CARS1: variants seen among roughly 807,000 people sequenced by gnomAD.
The protein encoded by CARS1 is cysteinyl-tRNA synthetase 1, also known as cysteine--tRNA ligase, cytoplasmic.
CARS1 carries 48 observed loss-of-function variants against 106.2 expected under a neutral mutation model. The observed-to-expected ratio is 0.45, with a 90% CI of 0.36 to 0.57. The LOEUF is 0.57. Ranked by LOEUF, CARS1 falls within the 20% of genes least tolerant of loss-of-function variation. CARS1 has a pLI of 0.00. For synonymous variants in CARS1, 409 were observed against 403.4 expected, an observed-to-expected ratio of 1.01 and a Z score of -0.17; for missense variants, 968 against 1,057.2, an observed-to-expected ratio of 0.92 and a Z score of 1.17.
chr11:3,018,595 G>C, intron 13 of CARS1, 25 bp downstream of exon 13: 1 of 1,613,730 alleles, frequency 6.2e-7, no homozygotes. Context: ...TGGTTGGGGG[G>C]TCTGTGGGAG....
rs1417294164 is a variant in CARS1, at chr11:3,044,521, C to A, written c.275-2265G>T. On this transcript the variant is annotated intron_variant, in intron 2 of 22. Coordinates refer to ENST00000380525, the MANE Select transcript of CARS1 (RefSeq NM_001014437.3). This position sits in a 1 kb window ranked among gnomAD's most constrained non-coding sequence, Gnocchi z 4.4. ...AAGCGATTATCCTGCCTCAGCCTCC[C>A]AAGTAGCTAGGACTACAGGCACCTG... Among the ~76,000 whole-genome samples, 1 of 152,012 alleles carries A rather than the reference C, an allele frequency of 6.6e-6. No homozygotes were observed.
rs1186132628 is a variant in CARS1 at position 3,043,343 on chromosome 11, C to T, written c.275-1087G>A. Among the ~76,000 whole-genome samples the T allele has an allele frequency of 6.6e-6, 1 of 151,978 alleles. No individual in the cohort carries two copies. Among genetic ancestry groups the T allele is most frequent in the East Asian group, 1.9e-4 (1 of 5,184 alleles). ...GCAAAGCTAGGTGTGGAGGACGGTACCTGGTGACTTTCCCGTTGCCCTCAG... is the reference window on the plus strand; with the variant it reads ...GCAAAGCTAGGTGTGGAGGACGGTATCTGGTGACTTTCCCGTTGCCCTCAG... On this transcript the variant is annotated intron_variant, in intron 2 of 22. Coordinates refer to ENST00000380525, the MANE Select transcript of CARS1 (RefSeq NM_001014437.3). The surrounding 1 kb of genome is among the most constrained non-coding windows in gnomAD (Gnocchi z 4.0).
intron 2 of CARS1, among the ~76,000 whole-genome samples, chr11:3,042,945 G>GTC (rs1854675087): frequency 1.6e-4 from 1 of 6,318 alleles, no homozygotes; most frequent in Non-Finnish European, 3.8e-4. Context: ...GACACTGCAG[G>GTC]AGTGGCTGGC....
At chr11:3,024,551 G>A (rs1039239166) in intron 10 of CARS1, among the ~76,000 whole-genome samples, 1 of 152,158 alleles carries the variant, frequency 6.6e-6, no homozygotes, top group Admixed American at 6.5e-5. Flanking sequence ...GGGCTGAAGT[G>A]ATCCTCCTGC....
chr11:3,015,932 T>G, intron 16 of CARS1, 83 bp from the exon 17 acceptor site: 2 of 1,175,544 alleles, frequency 1.7e-6, no homozygotes, highest in Non-Finnish European at 1.3e-6. Flanking sequence ...GTGTTCCTCG[T>G]TCACGGGAGG....
intron 1 of CARS1, among the ~76,000 whole-genome samples, chr11:3,051,135 C>T (rs938635736): frequency 1.3e-5 from 2 of 152,196 alleles, no homozygotes; most frequent in African/African-American, 4.8e-5. Context: ...TGCTGGGAAC[C>T]GGCCACAGCC....
intron 18 of CARS1, among the ~76,000 whole-genome samples, chr11:3,011,047 C>A (rs541604996): frequency 6.6e-6 from 1 of 152,360 alleles, no homozygotes; most frequent in African/African-American, 2.4e-5. Flanking sequence ...CCAGGGCTCT[C>A]CTTTCCTCTT....
rs1243690336 is a variant in CARS1 at position 3,034,404 on chromosome 11, A to G, written c.801+3646T>C. Among the ~76,000 whole-genome samples, 1 of 151,872 alleles carries G rather than the reference A, an allele frequency of 6.6e-6. No individual in the cohort carries two copies. Among genetic ancestry groups the G allele is most frequent in the African/African-American group, 2.4e-5 (1 of 41,316 alleles). On this transcript the variant is annotated intron_variant, in intron 7 of 22. Transcript: ENST00000380525. The surrounding 1 kb of genome is among the most constrained non-coding windows in gnomAD (Gnocchi z 6.3). ...TTTGGCTAATTTTTGTATTTTTAGT[A>G]GCAACGGGGTTTTGCCATGTTGGCC...
chr11:3,017,809 T>G lies in CARS1; in HGVS notation c.1727+48A>C. On this transcript the variant is annotated intron_variant, in intron 15 of 22. Transcript: ENST00000380525. The surrounding 1 kb of genome is among the most constrained non-coding windows in gnomAD (Gnocchi z 4.9). ...GGTGGCCAAGATGCGAGGCTAGGCA[T>G]AGAACATGGGCATGCTCAAAAACCC... is the stretch of plus-strand genomic sequence containing the variant. The G allele has an allele frequency of 7.7e-7, 1 of 1,290,898 alleles. No individual in the cohort carries two copies. The allele number at this position is 1,290,898 out of a possible 1,614,324, so 80.0% of individuals were successfully genotyped here. A position where few individuals can be genotyped will look rare whatever the true frequency, so the allele number is the denominator to read the frequency against.
chr11:3,019,024 G>A lies in CARS1; in HGVS notation c.1395+115C>T, dbSNP rs1851310915. ...TCAGATTCCACCCACAAGCCCCGATGAAGGTGTCAAGTTCTAGTGAGAGAG... is the reference window on the plus strand; with the variant it reads ...TCAGATTCCACCCACAAGCCCCGATAAAGGTGTCAAGTTCTAGTGAGAGAG... On this transcript the variant is annotated intron_variant, in intron 12 of 22. Coordinates refer to ENST00000380525, the MANE Select transcript of CARS1 (RefSeq NM_001014437.3). The surrounding 1 kb of genome is among the most constrained non-coding windows in gnomAD (Gnocchi z 6.2). The A allele has an allele frequency of 3.2e-6, 4 of 1,245,556 alleles. No individual in the cohort carries two copies. The highest frequency in any genetic ancestry group is 3.3e-6 in the Non-Finnish European group (3 of 900,736). The allele number at this position is 1,245,556 out of a possible 1,614,324, so 77.2% of individuals were successfully genotyped here.
rs201701388 is a variant in CARS1, at chr11:3,044,411, G to GC, written c.275-2156dup. ...TGAGAGATATCACATAAGGACCCTT[G>GC]CCCCCCTTTTTTTTTTTTAGATAAA... On this transcript the variant is annotated intron_variant, in intron 2 of 22. Coordinates refer to ENST00000380525, the MANE Select transcript of CARS1 (RefSeq NM_001014437.3). This position sits in a 1 kb window ranked among gnomAD's most constrained non-coding sequence, Gnocchi z 4.4. Among the ~76,000 whole-genome samples, 31 of 150,206 alleles carry GC rather than the reference G, an allele frequency of 2.1e-4. No homozygotes were observed. The highest frequency in any genetic ancestry group is 5.5e-4 in the African/African-American group (22 of 39,976).
chr11:3,057,345 T>C lies in CARS1; in HGVS notation c.23A>G (p.Gln8Arg), dbSNP rs1290687772. Residue 8 changes from glutamine to arginine, a missense_variant and splice_region_variant, in exon 1 of 23, where the codon CAG becomes CGG. Physicochemically the swap from Gln to Arg is conservative, Grantham distance 43 (BLOSUM62 1). Coordinates refer to ENST00000380525, the MANE Select transcript of CARS1 (RefSeq NM_001014437.3). MADSSGQ[Q>R]APDYRSILSI... The stretch of plus-strand genomic sequence containing the variant: ...CCTGGCCCGGCCGCGCCGCTCACCC[T>C]GCTGCCCGGAGGAATCTGCCATGGC... 1.9e-6 allele frequency: 3 copies of C among 1,610,000 alleles called. No homozygotes were observed. The highest frequency in any genetic ancestry group is 2.2e-5 in the East Asian group (1 of 44,820).
chr11:3,032,119 C>A lies in CARS1; in HGVS notation c.802-2676G>T, dbSNP rs77816939. On this transcript the variant is annotated intron_variant, in intron 7 of 22. Coordinates refer to ENST00000380525, the MANE Select transcript of CARS1 (RefSeq NM_001014437.3). ...GATGGAGTCTAGCTCTGTCACCAGG[C>A]TGGAGTGCAGTAGTGCAATCTCAGC... Among the ~76,000 whole-genome samples, 611 of 148,528 alleles carry A rather than the reference C, an allele frequency of 4.1e-3. 22 individuals are homozygous for A. The highest frequency in any genetic ancestry group is 0.012 in the East Asian group (61 of 4,974).
At position 3,028,228 on chromosome 11, in the gene CARS1, A is replaced by T. The variant is rs1852318391; in HGVS notation, c.1031+768T>A. 1 of 384,798 alleles carries T rather than the reference A, an allele frequency of 2.6e-6. No individual in the cohort carries two copies. The highest frequency in any genetic ancestry group is 2.1e-5 in the African/African-American group (1 of 46,786). 23.8% of individuals were successfully genotyped at this position (384,798 alleles called of 1,614,324 possible). On this transcript the variant is annotated intron_variant, in intron 9 of 22. Coordinates refer to ENST00000380525, the MANE Select transcript of CARS1 (RefSeq NM_001014437.3). This position sits in a 1 kb window ranked among gnomAD's most constrained non-coding sequence, Gnocchi z 4.4. ...CCCACGTGGCCTTACCTATCATTGA[A>T]GATGGCTCACTCTCCTTAACCTACC...
At chr11:3,010,318 T>G (rs1488718278) in intron 18 of CARS1, among the ~76,000 whole-genome samples, 2 of 152,144 alleles carry the variant, frequency 1.3e-5, no homozygotes, top group African/African-American at 4.8e-5. Flanking sequence ...GGGCTCGGCC[T>G]TCGATGTCCC....
In CARS1 at chr11:3,053,291, CATG is replaced by C. The variant is rs886946452; in HGVS notation, c.25+4049_25+4051del. ...CGTCACCCAGGCTGGAGTGCAGTGG[CATG>C]ATCTCGGCTCACTGCAAACTCTGCC... On this transcript the variant is annotated intron_variant, in intron 1 of 22. Coordinates refer to ENST00000380525, the MANE Select transcript of CARS1 (RefSeq NM_001014437.3). The surrounding 1 kb of genome is among the most constrained non-coding windows in gnomAD (Gnocchi z 6.6). Among the ~76,000 whole-genome samples the C allele has an allele frequency of 6.6e-6, 1 of 152,062 alleles. No individual in the cohort carries two copies. Among genetic ancestry groups the C allele is most frequent in the Admixed American group, 6.5e-5 (1 of 15,276 alleles).
In CARS1 at chr11:3,047,880, G is replaced by A. The variant is rs377235156; in HGVS notation, c.147C>T (p.Asp49=). The A allele has an allele frequency of 2.9e-5, 46 of 1,614,000 alleles. No individual in the cohort carries two copies. The highest frequency in any genetic ancestry group is 9.9e-5 in the South Asian group (9 of 91,082). Residue 49 remains aspartate, a synonymous_variant, in exon 2 of 23, where the codon GAC becomes GAT. Coordinates refer to ENST00000380525, the MANE Select transcript of CARS1 (RefSeq NM_001014437.3). ...GCGGGGCCGAGAGCTGCCTGAACGC[G>A]TCCACGTCTGCCTGGGACAGTGAGT... The part of the protein sequence containing the change: ...QGYSLSQADV[D]AFRQLSAPPA...
chr11:3,025,018 G>A (rs1380582448), intron 10 of CARS1, among the ~76,000 whole-genome samples: 1 of 152,144 alleles, frequency 6.6e-6, no homozygotes, highest in African/African-American at 2.4e-5. Context: ...GGAAGTGCAT[G>A]AAACGTGGGC....
chr11:3,024,864 A>G (rs1851900403), intron 10 of CARS1, among the ~76,000 whole-genome samples: 2 of 152,204 alleles, frequency 1.3e-5, no homozygotes, highest in African/African-American at 4.8e-5. Flanking sequence ...GTGGCCTGGC[A>G]TATGTTTCTG....
Sources: allele counts gnomAD v4.1 joint callset (sites outside exome capture counted in the v4.1 genomes callset), GRCh38; gene constraint gnomAD v4.1.1; non-coding constraint Gnocchi (gnomAD v3.1); transcripts MANE v1.5; gene names NCBI Gene and HGNC (gene_info 2026-07-23, HGNC 2026-07-21).